Variants in HNRNPC observed in about 807,000 individuals in gnomAD.
HNRNPC encodes the protein heterogeneous nuclear ribonucleoprotein C, also known as heterogeneous nuclear ribonucleoproteins C1/C2.
A neutral mutation model predicts 33.2 loss-of-function variants in HNRNPC; 3 were observed. That is an observed-to-expected ratio of 0.09 (90% confidence interval 0.04 to 0.23). The LOEUF is 0.23. Ranked by LOEUF, HNRNPC falls within the 10% of genes least tolerant of loss-of-function variation. The probability of loss-of-function intolerance (pLI) is 1.00; values close to 1 mark genes in which losing one functional copy is unlikely to be tolerated. For missense variants in HNRNPC, 143 were observed against 366.7 expected (o/e 0.39, Z 4.98); for synonymous variants, 121 against 126.7 (o/e 0.96, Z 0.30).
At chr14:21,223,841 ATATGTATGATAC>A (rs1208705272) in intron 5 of HNRNPC, among the ~76,000 whole-genome samples, 8 of 152,178 alleles carry the variant, frequency 5.3e-5, no homozygotes, top group African/African-American at 1.7e-4. Context: ...TCTGGCACCT[ATATGTATGATAC>A]ACAGGTTCCC....
At chr14:21,215,907 A>AAAAAG (rs1350657795) in intron 5 of HNRNPC, among the ~76,000 whole-genome samples, 43 of 150,084 alleles carry the variant, frequency 2.9e-4, no homozygotes, top group African/African-American at 9.6e-4. Flanking sequence ...TTAAAAAAAA[A>AAAAAG]AAAAAGAAAG....
At chr14:21,254,833 G>GAGGCGGAGGTTGCGGT (rs371157426) in intron 2 of HNRNPC, among the ~76,000 whole-genome samples, 33 of 151,874 alleles carry the variant, frequency 2.2e-4, no homozygotes, top group Admixed American at 1.8e-3. Context: ...TTGAATCCGG[G>GAGGCGGAGGTTGCGGT]AGGCGGAGGT....
intron 7 of HNRNPC, 82 bp from the exon 8 acceptor site, chr14:21,211,648 G>T: frequency 2.0e-6 from 3 of 1,498,032 alleles, no homozygotes; most frequent in Non-Finnish European, 2.7e-6. Flanking sequence ...TCACAGAACT[G>T]CAGCACAAAT....
At position 21,247,022 on chromosome 14, in the gene HNRNPC, G is replaced by A. The variant is rs116637867; in HGVS notation, c.-36-12793C>T. On this transcript the variant is annotated intron_variant, in intron 2 of 8. Transcript: ENST00000553300. ...TCAGTAAGGCTTCTACTCAGCAGGA[G>A]CTCATCAGTAAAGTTTTTGGAGAGT... Among the ~76,000 whole-genome samples the A allele has an allele frequency of 8.2e-3, 1,252 of 152,286 alleles. 12 individuals carry two copies. The highest frequency in any genetic ancestry group is 0.028 in the African/African-American group (1,173 of 41,550).
At chr14:21,213,537 T>C (rs2139458914) in intron 5 of HNRNPC, 1 of 161,044 alleles carries the variant, frequency 6.2e-6, no homozygotes, top group South Asian at 1.7e-4. Context: ...AATGTTCCAA[T>C]TAAAAGGGTA....
At chr14:21,256,070 G>T (rs763144759) in intron 2 of HNRNPC, among the ~76,000 whole-genome samples, 2 of 152,026 alleles carry the variant, frequency 1.3e-5, no homozygotes, top group Non-Finnish European at 2.9e-5. Flanking sequence ...AACAAATCAC[G>T]TGGGATGCCC....
intron 5 of HNRNPC, 90 bp from the exon 6 acceptor site, chr14:21,213,207 T>G (rs952409220): frequency 1.5e-6 from 2 of 1,302,090 alleles, no homozygotes; most frequent in African/African-American, 1.5e-5. Flanking sequence ...TAAGTGAATA[T>G]TGTCTCTAGT....
chr14:21,251,904 CAG>C (rs1024882406), intron 2 of HNRNPC, among the ~76,000 whole-genome samples: 3 of 152,064 alleles, frequency 2.0e-5, no homozygotes, highest in African/African-American at 7.2e-5. Context: ...CAAAATTTGT[CAG>C]AGATTTTAAA....
intron 5 of HNRNPC, among the ~76,000 whole-genome samples, chr14:21,229,085 T>TA (rs56112804): frequency 0.028 from 3,002 of 107,854 alleles, 26 homozygotes; most frequent in South Asian, 0.038. Flanking sequence ...ATTCCGTATT[T>TA]AAAAAAAAAA....
At chr14:21,240,744 C>A (rs1895243353) in intron 2 of HNRNPC, among the ~76,000 whole-genome samples, 1 of 152,116 alleles carries the variant, frequency 6.6e-6, no homozygotes. Context: ...AAACAAAGTA[C>A]AAGATGTTTC....
chr14:21,258,680 T>C (rs944614738), intron 2 of HNRNPC, among the ~76,000 whole-genome samples: 28 of 152,212 alleles, frequency 1.8e-4, no homozygotes, highest in Admixed American at 9.2e-4. Context: ...ATTAATGTCC[T>C]GCTACTTTTT....
intron 2 of HNRNPC, among the ~76,000 whole-genome samples, chr14:21,248,706 A>G (rs960527335): frequency 6.6e-6 from 1 of 152,200 alleles, no homozygotes; most frequent in Admixed American, 6.5e-5. Context: ...CACCTACCAA[A>G]CAAGCAAATA....
intron 4 of HNRNPC, chr14:21,230,622 G>GA (rs1894006094): frequency 1.9e-6 from 1 of 514,094 alleles, no homozygotes; most frequent in Non-Finnish European, 3.5e-6. Context: ...ACTAAACACT[G>GA]AAAAACAGAA....
intron 1 of HNRNPC, chr14:21,264,977 A>C (rs1258767632): frequency 6.6e-6 from 1 of 152,206 alleles, no homozygotes; most frequent in Non-Finnish European, 1.5e-5. Flanking sequence ...TGATCACGCC[A>C]CTGCACTTCA....
chr14:21,264,309 C>T (rs1878635837), intron 1 of HNRNPC: 1 of 152,114 alleles, frequency 6.6e-6, no homozygotes, highest in Non-Finnish European at 1.5e-5. Context: ...CTCATCTATT[C>T]TCAAAACCAG....
At chr14:21,264,597 A>G (rs1344292561) in intron 1 of HNRNPC, 1 of 152,240 alleles carries the variant, frequency 6.6e-6, no homozygotes. Flanking sequence ...AATAATTTCC[A>G]TGACAAACTG....
intron 5 of HNRNPC, among the ~76,000 whole-genome samples, chr14:21,220,799 A>G (rs907808837): frequency 6.6e-6 from 1 of 151,698 alleles, no homozygotes; most frequent in Non-Finnish European, 1.5e-5. Context: ...ATACTTTACC[A>G]AAAAATTCTA....
At chr14:21,216,913 C>A (rs541307448) in intron 5 of HNRNPC, among the ~76,000 whole-genome samples, 35 of 152,200 alleles carry the variant, frequency 2.3e-4, no homozygotes, top group African/African-American at 8.2e-4. Flanking sequence ...ACAATAAATC[C>A]GTTAAACTAG....
At chr14:21,233,840 C>A (rs1449601905) in intron 3 of HNRNPC, 113 bp downstream of exon 3, 2 of 1,294,896 alleles carry the variant, frequency 1.5e-6, no homozygotes, top group South Asian at 1.4e-5. Context: ...GCTAAACAGT[C>A]GCAATATCCA....
Sources: allele counts gnomAD v4.1 joint callset (sites outside exome capture counted in the v4.1 genomes callset), GRCh38; gene constraint gnomAD v4.1.1; transcripts MANE v1.5; gene names NCBI Gene and HGNC (gene_info 2026-07-23, HGNC 2026-07-21).